Variants in CCDC62 observed in about 807,000 individuals in gnomAD.
CCDC62 encodes the protein coiled-coil domain-containing protein 62.
Under a neutral mutation model 80.8 loss-of-function variants are expected in CCDC62, and 72 were observed. That is an observed-to-expected ratio of 0.89 (90% CI 0.74 to 1.08). The LOEUF (loss-of-function observed/expected upper bound fraction) is 1.08. Among genes scored for constraint, CCDC62 ranks in the 50% least tolerant of loss-of-function variants. The pLI is 0.00. For synonymous variants in CCDC62, 286 were observed against 296.5 expected, an observed-to-expected ratio of 0.96 and a Z score of 0.36; for missense variants, 704 against 809.4, an observed-to-expected ratio of 0.87 and a Z score of 1.58.
rs1879831379 is a variant in CCDC62, at chr12:122,781,146, T to G, written c.230-18T>G. On this transcript the variant is annotated intron_variant, in intron 2 of 12. Transcript: ENST00000253079. ...AAGCTGAAGGTGTGACTACAAATTA[T>G]TGATGAACTTCCCTCAGGTGAACTA... The G allele has an allele frequency of 5.6e-6, 9 of 1,597,290 alleles. No individual in the cohort carries two copies. The East Asian group carries it at 1.8e-4, about 32-fold the overall frequency.
intron 10 of CCDC62, among the ~76,000 whole-genome samples, chr12:122,812,721 CAAA>C (rs71085857): frequency 6.3e-5 from 3 of 47,580 alleles, no homozygotes; most frequent in South Asian, 9.1e-4. Context: ...GACTCCGTCT[CAAA>C]AAAAAAAAAA....
intron 6 of CCDC62, among the ~76,000 whole-genome samples, chr12:122,795,827 T>C (rs573180135): frequency 6.6e-6 from 1 of 152,300 alleles, no homozygotes; most frequent in South Asian, 2.1e-4. Context: ...GTAGGTGAGC[T>C]CTTATAGACT....
chr12:122,777,869 A>G (rs192624860), intron 2 of CCDC62, among the ~76,000 whole-genome samples, 186 bp downstream of exon 2: 3 of 152,332 alleles, frequency 2.0e-5, no homozygotes, highest in East Asian at 3.9e-4. Context: ...AAAGTAGGAC[A>G]AGCAAAGTAT....
intron 2 of CCDC62, among the ~76,000 whole-genome samples, chr12:122,780,619 TA>T (rs1879794442): frequency 1.2e-5 from 1 of 86,150 alleles, no homozygotes; most frequent in Admixed American, 1.0e-4. Flanking sequence ...GTCTCAAAAA[TA>T]AAATAAAATA....
rs1427876271 is a variant in CCDC62 at position 122,806,211 on chromosome 12, A to T, written c.1767A>T (p.Glu589Asp). 6.2e-7 allele frequency: 1 copy of T among 1,613,990 alleles called. No individual in the cohort carries two copies. Among genetic ancestry groups the T allele is most frequent in the East Asian group, 2.2e-5 (1 of 44,872 alleles). ...GTTCTTCAAAATCTGCCTTGAGAGA[A>T]GATGAGACGGAGTCCTCTTCCAATA... ...SLGSSKSALR[E>D]DETESSSNKK... Residue 589 changes from glutamate to aspartate, a missense_variant, in exon 10 of 13, where the codon GAA (glutamate) becomes GAT (aspartate). Coordinates refer to ENST00000253079, the MANE Select transcript of CCDC62 (RefSeq NM_201435.5).
chr12:122,791,385 C>T (rs988700381), intron 5 of CCDC62, among the ~76,000 whole-genome samples: 3 of 151,348 alleles, frequency 2.0e-5, no homozygotes, highest in East Asian at 1.9e-4. Context: ...GTGATCCACC[C>T]GCCTCAGCCT....
At chr12:122,777,385 C>A in intron 1 of CCDC62, 106 bp from the exon 2 acceptor site, 1 of 889,480 alleles carries the variant, frequency 1.1e-6, no homozygotes, top group Non-Finnish European at 1.7e-6. Flanking sequence ...AATTGAACTA[C>A]TTAGAATTGG....
At chr12:122,803,422 T>A (rs1459774075) in intron 9 of CCDC62, among the ~76,000 whole-genome samples, 2 of 152,204 alleles carry the variant, frequency 1.3e-5, no homozygotes, top group African/African-American at 4.8e-5. Context: ...AGCTGAATCT[T>A]GTGTGTGAGT....
At chr12:122,786,821 G>A (rs954773935) in intron 4 of CCDC62, among the ~76,000 whole-genome samples, 1 of 152,008 alleles carries the variant, frequency 6.6e-6, no homozygotes, top group Admixed American at 6.6e-5. Context: ...TTCCCCGGGC[G>A]AGGTGGCGGG....
At chr12:122,809,227 T>A (rs554706133) in intron 10 of CCDC62, among the ~76,000 whole-genome samples, 131 of 152,382 alleles carry the variant, frequency 8.6e-4, no homozygotes, top group African/African-American at 3.1e-3. Context: ...TGGTGGCTCA[T>A]GCCTGTAATC....
intron 3 of CCDC62, among the ~76,000 whole-genome samples, chr12:122,784,959 C>T (rs777086971): frequency 7.9e-5 from 12 of 152,100 alleles, no homozygotes; most frequent in African/African-American, 2.4e-4. Flanking sequence ...GCCAACGTGG[C>T]GAAACCCTGT....
At chr12:122,788,737 A>G in intron 4 of CCDC62, 21 bp from the exon 5 acceptor site, 1 of 1,466,792 alleles carries the variant, frequency 6.8e-7, no homozygotes, top group Non-Finnish European at 9.3e-7. Context: ...TAGGATAACC[A>G]TTTTCAAATT....
intron 3 of CCDC62, 149 bp from the exon 4 acceptor site, chr12:122,785,570 T>C: frequency 1.6e-6 from 1 of 644,744 alleles, no homozygotes; most frequent in Admixed American, 2.6e-5. Context: ...TAGGCTTTAT[T>C]AGCCCACTCC....
chr12:122,792,578 G>T (rs2030693751), intron 6 of CCDC62, among the ~76,000 whole-genome samples: 1 of 151,762 alleles, frequency 6.6e-6, no homozygotes, highest in Non-Finnish European at 1.5e-5. Flanking sequence ...GAATGCAGTG[G>T]CATGATCTCG....
At chr12:122,814,446 C>T (rs2032081395) in intron 11 of CCDC62, among the ~76,000 whole-genome samples, 1 of 147,444 alleles carries the variant, frequency 6.8e-6, no homozygotes, top group Non-Finnish European at 1.5e-5. Context: ...AGCATCATAT[C>T]ATGTCACTCA....
intron 9 of CCDC62, among the ~76,000 whole-genome samples, chr12:122,802,873 T>G (rs1345674202): frequency 6.6e-6 from 1 of 151,738 alleles, no homozygotes; most frequent in Non-Finnish European, 1.5e-5. Context: ...CAAAAAAAAT[T>G]TTTTAATTTG....
intron 11 of CCDC62, among the ~76,000 whole-genome samples, chr12:122,817,081 T>C (rs948499996): frequency 8.8e-5 from 13 of 148,278 alleles, no homozygotes; most frequent in Non-Finnish European, 1.0e-4. Context: ...AGACAGAGTC[T>C]TGCTCTGTCA....
intron 6 of CCDC62, among the ~76,000 whole-genome samples, chr12:122,795,215 T>C (rs2030865326): frequency 1.3e-5 from 2 of 151,446 alleles, no homozygotes; most frequent in Non-Finnish European, 2.9e-5. Flanking sequence ...GACACCTGGC[T>C]AATTTTTTGT....
At chr12:122,787,796 T>C (rs1413644527) in intron 4 of CCDC62, among the ~76,000 whole-genome samples, 6 of 152,054 alleles carry the variant, frequency 3.9e-5, no homozygotes, top group Non-Finnish European at 7.4e-5. Context: ...GAGATTTTAT[T>C]TGATGAAAAT....
Sources: gnomAD v4.1 joint callset for allele counts (sites outside exome capture counted in the v4.1 genomes callset) on GRCh38, gnomAD v4.1.1 for gene constraint, MANE v1.5 for transcripts, NCBI Gene and HGNC (gene_info 2026-07-23, HGNC 2026-07-21) for gene names.